Variants in PCGF6 observed in about 807,000 individuals in gnomAD.
PCGF6 encodes the protein polycomb group ring finger 6.
A neutral mutation model predicts 45.5 loss-of-function variants in PCGF6; 24 were observed. The observed-to-expected ratio is 0.53, with a 90% CI of 0.38 to 0.74. The LOEUF (loss-of-function observed/expected upper bound fraction) is 0.74, where lower values mean the gene tolerates loss of function less well. PCGF6 is among the 30% of genes least tolerant of loss of function. The pLI, the probability that PCGF6 is intolerant of heterozygous loss-of-function variation, is 0.00. For missense variants in PCGF6, 356 were observed against 443.2 expected (o/e 0.80, Z 1.77); for synonymous variants, 152 against 162.1 (o/e 0.94, Z 0.47).
At chr10:103,349,238 G>A (rs1212909327) in intron 1 of PCGF6, among the ~76,000 whole-genome samples, 1 of 151,464 alleles carries the variant, frequency 6.6e-6, no homozygotes, top group African/African-American at 2.4e-5. Flanking sequence ...AGTAGAGATG[G>A]GGTTTCACCA....
At position 103,304,327 on chromosome 10, in the gene PCGF6, C is replaced by CATGT. The variant is rs770444791; in HGVS notation, c.997-370_997-367dup. On this transcript the variant is annotated intron_variant, in intron 9 of 9. Transcript: ENST00000369847. ...AATTTTTGTACGTATGTATCATATGCATGTATGTATGTATACATTTATTTA... is the reference window on the plus strand; with the variant it reads ...AATTTTTGTACGTATGTATCATATGCATGTATGTATGTATGTATACATTTATTTA... Among the ~76,000 whole-genome samples, 6 of 151,942 alleles carry CATGT rather than the reference C, an allele frequency of 3.9e-5. 1 individual carries two copies. The East Asian group carries it at 9.7e-4, about 24-fold the overall frequency.
intron 9 of PCGF6, among the ~76,000 whole-genome samples, chr10:103,305,897 T>TAA (rs951962252): frequency 1.5e-5 from 2 of 137,022 alleles, no homozygotes; most frequent in African/African-American, 2.7e-5. Context: ...TTATATAATT[T>TAA]AAAAAAAAAA....
chr10:103,328,260 C>T (rs750838740), intron 7 of PCGF6, among the ~76,000 whole-genome samples: 2 of 152,094 alleles, frequency 1.3e-5, no homozygotes, highest in African/African-American at 2.4e-5. Flanking sequence ...CCTAGGGAAC[C>T]GAGGCACACA....
At position 103,318,884 on chromosome 10, in the gene PCGF6, G is replaced by A. The variant is rs569843523; in HGVS notation, c.910-4612C>T. On this transcript the variant is annotated intron_variant, in intron 8 of 9. Coordinates refer to ENST00000369847, the MANE Select transcript of PCGF6 (RefSeq NM_001011663.2). ...CTAGTTCCTCGATAGCCAAAGGCCA[G>A]CTTTGTAAGCAGGCCCTTCTAACGA... Among the ~76,000 whole-genome samples the A allele has an allele frequency of 5.9e-5, 9 of 152,332 alleles. No homozygotes were observed. In the South Asian group the frequency reaches 1.9e-3, roughly 32 times the overall value.
chr10:103,335,435 C>T (rs1055140299), intron 6 of PCGF6, among the ~76,000 whole-genome samples: 1 of 151,568 alleles, frequency 6.6e-6, no homozygotes, highest in Non-Finnish European at 1.5e-5. Context: ...GATCTCGGCT[C>T]ACTGCAACCT....
chr10:103,334,337 TATCC>T (rs1370131554), intron 6 of PCGF6, among the ~76,000 whole-genome samples: 1 of 152,138 alleles, frequency 6.6e-6, no homozygotes, highest in Non-Finnish European at 1.5e-5. Context: ...CAAATCAACA[TATCC>T]ATCAGCTCAC....
intron 6 of PCGF6, among the ~76,000 whole-genome samples, chr10:103,335,098 C>T (rs1484407712): frequency 6.6e-6 from 1 of 151,990 alleles, no homozygotes; most frequent in African/African-American, 2.4e-5. Flanking sequence ...TGCTCTATCA[C>T]CCAGGCAGGA....
Position 103,349,003 on chromosome 10 carries a change from C to T in PCGF6, c.361-4G>A, listed in dbSNP as rs755168684. ...GCTCAGAGAGATTAATCAGGCGCTG[C>T]AAATAAACGGAAACAGTTTTAAAAT... is the stretch of plus-strand genomic sequence containing the variant. On this transcript the variant is annotated splice_region_variant and splice_polypyrimidine_tract_variant and intron_variant, in intron 1 of 9. Coordinates refer to ENST00000369847, the MANE Select transcript of PCGF6 (RefSeq NM_001011663.2). 1 of 1,601,330 alleles carries T rather than the reference C, an allele frequency of 6.2e-7. No individual in the cohort carries two copies. Among genetic ancestry groups the T allele is most frequent in the Admixed American group, 1.7e-5 (1 of 57,396 alleles).
intron 8 of PCGF6, among the ~76,000 whole-genome samples, chr10:103,315,399 G>A (rs775334541): frequency 3.3e-5 from 5 of 151,780 alleles, no homozygotes; most frequent in African/African-American, 7.3e-5. Context: ...TCGCTCTGTC[G>A]CCCAGGCTGG....
intron 9 of PCGF6, among the ~76,000 whole-genome samples, chr10:103,308,110 C>T (rs1255889077): frequency 2.0e-5 from 3 of 151,880 alleles, no homozygotes; most frequent in South Asian, 2.1e-4. Context: ...TAGGGCAGTG[C>T]GGAGGGGAAA....
chr10:103,344,273 C>CTT (rs756711163), intron 6 of PCGF6, among the ~76,000 whole-genome samples: 12 of 139,518 alleles, frequency 8.6e-5, no homozygotes, highest in Non-Finnish European at 1.3e-4. Flanking sequence ...ATGACAAACA[C>CTT]TTTTTTTTTT....
chr10:103,347,938 C>G (rs1592079638), intron 3 of PCGF6, among the ~76,000 whole-genome samples: 1 of 152,174 alleles, frequency 6.6e-6, no homozygotes, highest in African/African-American at 2.4e-5. Context: ...CTGCAAAGCA[C>G]TCCTGTGTGA....
intron 9 of PCGF6, chr10:103,312,565 T>A (rs1432465858): frequency 1.3e-5 from 2 of 153,282 alleles, no homozygotes; most frequent in Non-Finnish European, 2.9e-5. Context: ...CAGAAGCCCT[T>A]TTTTCCCCAA....
At chr10:103,338,742 C>A (rs1366474655) in intron 6 of PCGF6, among the ~76,000 whole-genome samples, 2 of 151,854 alleles carry the variant, frequency 1.3e-5, no homozygotes, top group African/African-American at 4.8e-5. Flanking sequence ...GTGGCACACG[C>A]CTGTAATCCC....
intron 8 of PCGF6, among the ~76,000 whole-genome samples, chr10:103,318,908 G>A (rs983974100): frequency 3.3e-5 from 5 of 152,114 alleles, no homozygotes; most frequent in Non-Finnish European, 7.4e-5. Context: ...CCCTTCTAAC[G>A]ACAGCAGCCT....
At chr10:103,306,754 T>C (rs1340957234) in intron 9 of PCGF6, among the ~76,000 whole-genome samples, 2 of 152,106 alleles carry the variant, frequency 1.3e-5, no homozygotes, top group Admixed American at 6.6e-5. Flanking sequence ...GTGAAGTCAA[T>C]AGGGAATGTT....
At chr10:103,342,326 C>T (rs2093283939) in intron 6 of PCGF6, among the ~76,000 whole-genome samples, 1 of 151,844 alleles carries the variant, frequency 6.6e-6, no homozygotes. Flanking sequence ...CTCCACCTCC[C>T]AGGTTCAAGT....
rs2093125378 is a variant in PCGF6 at position 103,303,205 on chromosome 10, G to A, written c.*700C>T. 6.6e-6 allele frequency: 1 copy of A among 152,544 alleles called. No homozygotes were observed. Among genetic ancestry groups the A allele is most frequent in the African/African-American group, 2.4e-5 (1 of 41,426 alleles). The allele number at this position is 152,544 out of a possible 1,614,324, so 9.4% of individuals were successfully genotyped here. A position where few individuals can be genotyped will look rare whatever the true frequency, so the allele number is the denominator to read the frequency against. On this transcript the variant is annotated 3_prime_UTR_variant, in exon 10 of 10. Transcript: ENST00000369847. ...ACCACACTATGTACCCAAATAAAAT[G>A]AATGTCAGAAATAAAAATACTGTCA...
chr10:103,326,452 TG>T, intron 8 of PCGF6, 81 bp downstream of exon 8: 1 of 794,640 alleles, frequency 1.3e-6, no homozygotes, highest in East Asian at 2.8e-5. Flanking sequence ...AATAATTGCA[TG>T]AAATCCTACA....
Sources: allele counts gnomAD v4.1 joint callset (sites outside exome capture counted in the v4.1 genomes callset), GRCh38; gene constraint gnomAD v4.1.1; transcripts MANE v1.5; gene names NCBI Gene and HGNC (gene_info 2026-07-23, HGNC 2026-07-21).